Variants in CD55 observed in about 807,000 individuals in gnomAD.
CD55 encodes CD55 molecule (Cromer blood group).
A neutral mutation model predicts 45.8 loss-of-function variants in CD55; 41 were observed. The observed-to-expected ratio is 0.90, with a 90% CI of 0.70 to 1.16. CD55 has a LOEUF of 1.16. Among genes scored for constraint, CD55 ranks in the 50% most tolerant of loss-of-function variants. The pLI is 0.00. For synonymous variants in CD55, 181 were observed against 181.1 expected (o/e 1.00, Z 0.01); for missense variants, 416 against 469.8 (o/e 0.89, Z 1.06).
intron 3 of CD55, among the ~76,000 whole-genome samples, chr1:207,325,367 A>C (rs1654629461): frequency 6.6e-6 from 1 of 152,130 alleles, no homozygotes; most frequent in African/African-American, 2.4e-5. Context: ...AAGGATAAGA[A>C]ATATCAATGG....
Position 207,359,754 on chromosome 1 carries a change from T to A in CD55, c.*144T>A. The stretch of plus-strand genomic sequence containing the variant: ...TTGTCTTTAAGATGTGTTAGGAATG[T>A]CAACAGAGCAAGGAGAAAAAAGGCA... On this transcript the variant is annotated 3_prime_UTR_variant, in exon 10 of 10. Transcript: ENST00000367064. 1.8e-6 allele frequency: 2 copies of A among 1,126,148 alleles called. No individual in the cohort carries two copies. The highest frequency in any genetic ancestry group is 2.4e-6 in the Non-Finnish European group (2 of 845,914). The allele number at this position is 1,126,148 out of a possible 1,614,324, so 69.8% of individuals were successfully genotyped here. A position where few individuals can be genotyped will look rare whatever the true frequency, so the allele number is the denominator to read the frequency against.
chr1:207,339,750 A>G (rs1247163382), intron 9 of CD55, among the ~76,000 whole-genome samples: 2 of 152,210 alleles, frequency 1.3e-5, no homozygotes, highest in African/African-American at 4.8e-5. Context: ...ATAACCATGT[A>G]GCATACCTAA....
chr1:207,355,690 A>G (rs1656051495), intron 9 of CD55, among the ~76,000 whole-genome samples: 1 of 152,170 alleles, frequency 6.6e-6, no homozygotes, highest in South Asian at 2.1e-4. Context: ...AACTAGGTAA[A>G]TGTCCTTCCC....
Position 207,321,763 on chromosome 1 carries a change from G to T in CD55, c.-3G>T, listed in dbSNP as rs1278142878. The T allele has an allele frequency of 6.6e-7, 1 of 1,513,352 alleles. No homozygotes were observed. The highest frequency in any genetic ancestry group is 8.8e-7 in the Non-Finnish European group (1 of 1,137,356). 93.7% of individuals were successfully genotyped at this position (1,513,352 alleles called of 1,614,324 possible). On this transcript the variant is annotated 5_prime_UTR_variant, in exon 1 of 10. Transcript: ENST00000367064. ...GCGCGTCCTTGTTCTAACCCGGCGC[G>T]CCATGACCGTCGCGCGGCCGAGCGT...
intron 9 of CD55, among the ~76,000 whole-genome samples, chr1:207,353,341 T>G (rs1453882455): frequency 6.6e-6 from 1 of 152,124 alleles, no homozygotes; most frequent in East Asian, 1.9e-4. Context: ...ATAGATCAAT[T>G]TAAAGAATAA....
chr1:207,324,682 C>T lies in CD55; in HGVS notation c.410C>T (p.Pro137Leu), dbSNP rs771203251. The T allele has an allele frequency of 3.7e-6, 6 of 1,613,214 alleles. No homozygotes were observed. The highest frequency in any genetic ancestry group is 1.7e-5 in the Admixed American group (1 of 59,888). ...TGCCGTCCAGGTTACAGAAGAGAAC[C>T]TTCTCTATCACCAAAACTAACTTGC... ...YECRPGYRREPSLSPKLTCLQ... is the reference protein window; with the variant it reads ...YECRPGYRRELSLSPKLTCLQ... Residue 137 changes from proline (P) to leucine (L), a missense_variant, in exon 3 of 10, where the codon CCT becomes CTT. Physicochemically the swap from Pro to Leu is moderately conservative, Grantham distance 98. This residue lies in a region of CD55 where 111 missense variants were observed against 163.4 expected (regional missense o/e 0.68). Coordinates refer to ENST00000367064, the MANE Select transcript of CD55 (RefSeq NM_000574.5).
rs1362797417 is a variant in CD55, at chr1:207,326,776, T to A, written c.603T>A (p.Ser201=). 6.2e-7 allele frequency: 1 copy of A among 1,613,886 alleles called. No individual in the cohort carries two copies. The highest frequency in any genetic ancestry group is 2.2e-5 in the East Asian group (1 of 44,862). The change falls in exon 5 of 10, where the codon TCT becomes TCA. Residue 201 remains serine, a synonymous_variant. Coordinates refer to ENST00000367064, the MANE Select transcript of CD55 (RefSeq NM_000574.5). ...NTGYKLFGST[S]SFCLISGSSV... ...GGTACAAATTATTTGGCTCGACTTC[T>A]AGTTTTTGTCTTATTTCAGGCAGCT...
chr1:207,351,465 T>C (rs1203352237), intron 9 of CD55, among the ~76,000 whole-genome samples: 1 of 152,198 alleles, frequency 6.6e-6, no homozygotes, highest in Non-Finnish European at 1.5e-5. Context: ...CACTATATTG[T>C]GTGGTTATTT....
In CD55 at chr1:207,341,280, A is replaced by G. The variant is rs531453068; in HGVS notation, c.1081+1863A>G. On this transcript the variant is annotated intron_variant, in intron 9 of 9. Transcript: ENST00000367064. ...AAGCTTTTTAGTTTAATATAGTCCTATTTATCTATTTTTGTTTTTATTGTC... is the reference window on the plus strand; with the variant it reads ...AAGCTTTTTAGTTTAATATAGTCCTGTTTATCTATTTTTGTTTTTATTGTC... Among the ~76,000 whole-genome samples the G allele has an allele frequency of 9.6e-4, 146 of 152,016 alleles. 1 individual carries two copies. Among genetic ancestry groups the G allele is most frequent in the African/African-American group, 3.3e-3 (137 of 41,472 alleles).
At chr1:207,332,909 G>A (rs1160443236) in intron 6 of CD55, among the ~76,000 whole-genome samples, 1 of 152,162 alleles carries the variant, frequency 6.6e-6, no homozygotes, top group Non-Finnish European at 1.5e-5. Context: ...GACCTTTGCT[G>A]ATTCTGAACC....
intron 9 of CD55, among the ~76,000 whole-genome samples, chr1:207,345,070 A>G (rs1337805060): frequency 2.6e-5 from 4 of 152,164 alleles, no homozygotes; most frequent in Non-Finnish European, 5.9e-5. Flanking sequence ...CTCCTGTGTC[A>G]GGATGTCTAC....
At chr1:207,326,483 A>G (rs1011775972) in intron 4 of CD55, among the ~76,000 whole-genome samples, 2 of 152,238 alleles carry the variant, frequency 1.3e-5, no homozygotes, top group African/African-American at 4.8e-5. Context: ...TATGTCATTT[A>G]AAAATGTTTA....
intron 8 of CD55, 124 bp from the exon 9 acceptor site, chr1:207,339,273 T>G: frequency 1.5e-6 from 1 of 673,844 alleles, no homozygotes; most frequent in Non-Finnish European, 2.7e-6. Context: ...TTATTTCATT[T>G]GTGGAAATTT....
At chr1:207,349,215 C>T (rs1655769847) in intron 9 of CD55, among the ~76,000 whole-genome samples, 1 of 147,692 alleles carries the variant, frequency 6.8e-6, no homozygotes, top group Non-Finnish European at 1.5e-5. Flanking sequence ...CAGAGTCTCA[C>T]TCTGTCACTC....
chr1:207,357,575 G>C (rs1015680498), intron 9 of CD55, among the ~76,000 whole-genome samples: 1 of 149,944 alleles, frequency 6.7e-6, no homozygotes, highest in Non-Finnish European at 1.5e-5. Context: ...GGGGGAGGGC[G>C]GAGGGCGGGC....
At chr1:207,331,340 C>A in intron 6 of CD55, 44 bp downstream of exon 6, 1 of 1,498,930 alleles carries the variant, frequency 6.7e-7, no homozygotes, top group African/African-American at 1.4e-5. Context: ...TTCTTACCCT[C>A]AGGTCTATAT....
At chr1:207,324,784 C>G in intron 3 of CD55, 34 bp downstream of exon 3, 1 of 1,395,990 alleles carries the variant, frequency 7.2e-7, no homozygotes, top group East Asian at 2.3e-5. Flanking sequence ...TTTCAACCAT[C>G]TGGTGTTTGG....
chr1:207,332,469 G>T (rs1032084488), intron 6 of CD55, among the ~76,000 whole-genome samples: 1 of 152,174 alleles, frequency 6.6e-6, no homozygotes, highest in Non-Finnish European at 1.5e-5. Flanking sequence ...CTTTTTAAAA[G>T]ACTGTACCAA....
intron 3 of CD55, 75 bp downstream of exon 3, chr1:207,324,825 T>C: frequency 1.2e-6 from 1 of 836,902 alleles, no homozygotes; most frequent in East Asian, 2.5e-5. Context: ...TCATTCATGC[T>C]AGAACTCTAT....
Sources: gnomAD v4.1 joint callset for allele counts (sites outside exome capture counted in the v4.1 genomes callset) on GRCh38, gnomAD v4.1.1 for gene constraint, gnomAD v4.1.1 regional missense constraint, MANE v1.5 for transcripts, NCBI Gene and HGNC (gene_info 2026-07-23, HGNC 2026-07-21) for gene names.